Variants in SSH3 observed in about 807,000 individuals in gnomAD.
SSH3 encodes protein phosphatase Slingshot homolog 3.
In SSH3, 67 loss-of-function variants were observed where a neutral mutation model predicts 75.0. The ratio of observed to expected loss-of-function variants is 0.89; its 90% CI spans 0.73 to 1.10. SSH3 has a LOEUF of 1.10. SSH3 is among the 50% of genes least tolerant of loss of function. The pLI is 0.00. For synonymous variants in SSH3, 318 were observed against 349.2 expected, an observed-to-expected ratio of 0.91 and a Z score of 1.00; for missense variants, 824 against 872.7, an observed-to-expected ratio of 0.94 and a Z score of 0.70.
At chr11:67,305,684 G>A (rs533444363) in intron 3 of SSH3, among the ~76,000 whole-genome samples, 66 of 152,322 alleles carry the variant, frequency 4.3e-4, no homozygotes, top group African/African-American at 1.4e-3. Flanking sequence ...CAGTGCACAA[G>A]GCAGGCTTGC....
At position 67,306,970 on chromosome 11, in the gene SSH3, C is replaced by T. The variant is rs1278212687; in HGVS notation, c.464+8C>T. The T allele has an allele frequency of 6.2e-7, 1 of 1,612,128 alleles. No homozygotes were observed. The highest frequency in any genetic ancestry group is 8.5e-7 in the Non-Finnish European group (1 of 1,178,428). ...GGATTTCCCTGACAGCAGGTTCGAG[C>T]AGGGAGAGGAAAGGAGGGGCAAAGA... On this transcript the variant is annotated splice_region_variant and intron_variant, in intron 4 of 13. Transcript: ENST00000308127.
At chr11:67,304,419 G>A (rs1039250519) in intron 2 of SSH3, among the ~76,000 whole-genome samples, 1 of 152,202 alleles carries the variant, frequency 6.6e-6, no homozygotes, top group Non-Finnish European at 1.5e-5. Flanking sequence ...CGGGCCGAAC[G>A]GCAGGAGGGC....
chr11:67,304,613 A>G (rs973845211), intron 2 of SSH3, among the ~76,000 whole-genome samples, 160 bp from the exon 3 acceptor site: 14 of 152,208 alleles, frequency 9.2e-5, no homozygotes, highest in African/African-American at 3.4e-4. Context: ...GGGGTTAGAA[A>G]TGCAGATGCT....
chr11:67,309,361 GC>G, intron 10 of SSH3, 35 bp from the exon 11 acceptor site: 1 of 1,613,132 alleles, frequency 6.2e-7, no homozygotes, highest in Non-Finnish European at 8.5e-7. Context: ...TGGTACCTCT[GC>G]CCACATCAGC....
chr11:67,311,675 G>T lies in SSH3; in HGVS notation c.1768G>T (p.Asp590Tyr), dbSNP rs202051235. Residue 590 changes from aspartate to tyrosine, a missense_variant, in exon 14 of 14, where the codon GAC (aspartate) becomes TAC (tyrosine). Coordinates refer to ENST00000308127, the MANE Select transcript of SSH3 (RefSeq NM_017857.4). Reference sequence around the variant, plus strand: ...AAGGACCAAGGGAGGCCAGCAGGTGGACAGGGGGCCTCAGCCTGCCCTGAA... The same window carrying T: ...AAGGACCAAGGGAGGCCAGCAGGTGTACAGGGGGCCTCAGCCTGCCCTGAA... ...LARTKGGQQV[D>Y]RGPQPALKSR... 6.2e-6 allele frequency: 10 copies of T among 1,614,092 alleles called. No homozygotes were observed. The highest frequency in any genetic ancestry group is 1.7e-4 in the Middle Eastern group (1 of 6,056).
At position 67,309,384 on chromosome 11, in the gene SSH3, C is replaced by A; in HGVS notation, c.1062-13C>A. ...CTGCCCACATCAGCCTGGCCTTGGGCCCTCTGGGACAGGGTCACCCACATC... is the reference window on the plus strand; with the variant it reads ...CTGCCCACATCAGCCTGGCCTTGGGACCTCTGGGACAGGGTCACCCACATC... On this transcript the variant is annotated splice_polypyrimidine_tract_variant and intron_variant, in intron 10 of 13. Transcript: ENST00000308127. 2 of 1,614,074 alleles carry A rather than the reference C, an allele frequency of 1.2e-6. No individual in the cohort carries two copies. The highest frequency in any genetic ancestry group is 1.7e-6 in the Non-Finnish European group (2 of 1,180,018).
chr11:67,310,740 CG>C (rs1006297197), intron 13 of SSH3, among the ~76,000 whole-genome samples: 1 of 152,148 alleles, frequency 6.6e-6, no homozygotes, highest in African/African-American at 2.4e-5. Context: ...GCCTCGATCG[CG>C]GGCAGGTTCC....
rs545550122 is a variant in SSH3, at chr11:67,307,332, G to A, written c.537-39G>A. 8 of 1,612,360 alleles carry A rather than the reference G, an allele frequency of 5.0e-6. No individual in the cohort carries two copies. The highest frequency in any genetic ancestry group is 6.8e-6 in the Non-Finnish European group (8 of 1,179,668). The stretch of plus-strand genomic sequence containing the variant: ...AAAAGGATGGGTTCTCTGTCGCAGA[G>A]CCTGGAGTCTGGCCTCACCTGTGCC... On this transcript the variant is annotated intron_variant, in intron 5 of 13. Transcript: ENST00000308127. This position sits in a 1 kb window ranked among gnomAD's most constrained non-coding sequence, Gnocchi z 4.2.
Position 67,308,190 on chromosome 11 carries a change from A to G in SSH3, c.902A>G (p.Glu301Gly), listed in dbSNP as rs1432879191. ...TGCCTGCAGATCCGCCAGGCTCTGGAGCTGCGCCTGGGGCTCCCCCTCCAG... is the reference window on the plus strand; with the variant it reads ...TGCCTGCAGATCCGCCAGGCTCTGGGGCTGCGCCTGGGGCTCCCCCTCCAG... ...VTSKEIRQALELRLGLPLQQY... is the reference protein window; with the variant it reads ...VTSKEIRQALGLRLGLPLQQY... Residue 301 changes from glutamate to glycine, a missense_variant, in exon 9 of 14, where the codon GAG (glutamate) becomes GGG (glycine). Glu to Gly is a moderately conservative substitution (Grantham distance 98, BLOSUM62 -2). Transcript: ENST00000308127. This position sits in a 1 kb window ranked among gnomAD's most constrained non-coding sequence, Gnocchi z 4.9. The G allele has an allele frequency of 1.9e-6, 3 of 1,613,572 alleles. No individual in the cohort carries two copies. Among genetic ancestry groups the G allele is most frequent in the Non-Finnish European group, 2.5e-6 (3 of 1,179,970 alleles).
In SSH3 at chr11:67,308,131, C is replaced by T; in HGVS notation, c.886-43C>T. On this transcript the variant is annotated intron_variant, in intron 8 of 13. Transcript: ENST00000308127. The surrounding 1 kb of genome is among the most constrained non-coding windows in gnomAD (Gnocchi z 4.9). ...CAGAGGGAAGGTGGCAGGTTGGGCA[C>T]TAGGAGAGCCCCAGCCTCTCTTGCC... The T allele has an allele frequency of 6.3e-7, 1 of 1,598,478 alleles. No homozygotes were observed. Among genetic ancestry groups the T allele is most frequent in the Non-Finnish European group, 8.5e-7 (1 of 1,172,526 alleles).
rs1861288278 is a variant in SSH3, at chr11:67,307,748, G to A, written c.791+11G>A. On this transcript the variant is annotated intron_variant, in intron 7 of 13. Coordinates refer to ENST00000308127, the MANE Select transcript of SSH3 (RefSeq NM_017857.4). The surrounding 1 kb of genome is among the most constrained non-coding windows in gnomAD (Gnocchi z 4.2). ...CGCCGAGCCTGGCGGGTCAGTGTGT[G>A]GAGGGGAGGGACTGGGTGGAGGGGA... 1 of 1,613,704 alleles carries A rather than the reference G, an allele frequency of 6.2e-7. No individual in the cohort carries two copies. Among genetic ancestry groups the A allele is most frequent in the Non-Finnish European group, 8.5e-7 (1 of 1,179,988 alleles).
At chr11:67,309,736 G>T in intron 11 of SSH3, 32 bp from the exon 12 acceptor site, 1 of 1,609,076 alleles carries the variant, frequency 6.2e-7, no homozygotes, top group South Asian at 1.1e-5. Flanking sequence ...TCATGGTGAG[G>T]GGAGGGTGCT....
rs774504600 is a variant in SSH3 at position 67,305,020 on chromosome 11, G to A, written c.339+13G>A. 3.1e-6 allele frequency: 5 copies of A among 1,595,572 alleles called. No homozygotes were observed. Among genetic ancestry groups the A allele is most frequent in the Non-Finnish European group, 4.3e-6 (5 of 1,172,824 alleles). The stretch of plus-strand genomic sequence containing the variant: ...TGACATCCGCCTGGTGAGGGCCCAT[G>A]TGGAGCTCCGGGGGGTGGGGGGAAG... On this transcript the variant is annotated intron_variant, in intron 3 of 13. Coordinates refer to ENST00000308127, the MANE Select transcript of SSH3 (RefSeq NM_017857.4).
Position 67,307,534 on chromosome 11 carries a change from C to A in SSH3, c.603-15C>A, listed in dbSNP as rs774765011. 72 of 1,609,436 alleles carry A rather than the reference C, an allele frequency of 4.5e-5. No homozygotes were observed. The highest frequency in any genetic ancestry group is 5.4e-5 in the Non-Finnish European group (63 of 1,177,208). On this transcript the variant is annotated splice_polypyrimidine_tract_variant and intron_variant, in intron 6 of 13. Transcript: ENST00000308127. The surrounding 1 kb of genome is among the most constrained non-coding windows in gnomAD (Gnocchi z 4.2). Reference sequence around the variant, plus strand: ...GCAAGGGAACAGTGTGACCCAGCCTCTCCTCCTGTCTCAGGGCCACACTCC... The same window carrying A: ...GCAAGGGAACAGTGTGACCCAGCCTATCCTCCTGTCTCAGGGCCACACTCC...
Position 67,309,931 on chromosome 11 carries a change from C to T in SSH3, c.1372C>T (p.Arg458Cys), listed in dbSNP as rs765014323. ...PIARPNPGFL[R>C]QLQIYQGILT... ...CGCCCGCCCCAACCCTGGCTTCCTGCGCCAGCTGCAGATCTACCAGGGCAT... is the reference window on the plus strand; with the variant it reads ...CGCCCGCCCCAACCCTGGCTTCCTGTGCCAGCTGCAGATCTACCAGGGCAT... Residue 458 changes from arginine (R) to cysteine (C), a missense_variant, in exon 12 of 14, where the codon CGC becomes TGC. By Grantham distance (180) the Arg-to-Cys change is radical. Transcript: ENST00000308127. The T allele has an allele frequency of 1.6e-5, 25 of 1,610,698 alleles. No homozygotes were observed. The highest frequency in any genetic ancestry group is 1.6e-4 in the Middle Eastern group (1 of 6,062).
In SSH3 at chr11:67,307,143, G is replaced by A. The variant is rs1861269538; in HGVS notation, c.536+30G>A. The A allele has an allele frequency of 6.2e-7, 1 of 1,610,888 alleles. No homozygotes were observed. The highest frequency in any genetic ancestry group is 8.5e-7 in the Non-Finnish European group (1 of 1,179,582). ...GCAATGGCAACTGGAGGTGGGGGCT[G>A]GAGGGTGGAATAACTGAGTGTGACG... On this transcript the variant is annotated intron_variant, in intron 5 of 13. Transcript: ENST00000308127. This position sits in a 1 kb window ranked among gnomAD's most constrained non-coding sequence, Gnocchi z 4.2.
At chr11:67,306,580 G>A (rs543899359) in intron 3 of SSH3, among the ~76,000 whole-genome samples, 5 of 152,328 alleles carry the variant, frequency 3.3e-5, no homozygotes, top group South Asian at 2.1e-4. Flanking sequence ...CAGCCTGGGC[G>A]ACAGAGTGAG....
rs1554972941 is a variant in SSH3, at chr11:67,309,881, G to A, written c.1322G>A (p.Arg441His). The A allele has an allele frequency of 3.1e-6, 5 of 1,612,390 alleles. No individual in the cohort carries two copies. The highest frequency in any genetic ancestry group is 2.2e-5 in the East Asian group (1 of 44,888). Residue 441 changes from arginine to histidine, a missense_variant, in exon 12 of 14, where the codon CGC becomes CAC. By Grantham distance (29) the Arg-to-His change is conservative (BLOSUM62 0). Transcript: ENST00000308127. The stretch of plus-strand genomic sequence containing the variant: ...GAATGCAGCCTGGAGCAGGCCCTGC[G>A]CCACGTGCAGGAGCTCCGGCCCATC... ...QYECSLEQALRHVQELRPIAR... is the reference protein window; with the variant it reads ...QYECSLEQALHHVQELRPIAR...
Position 67,309,932 on chromosome 11 carries a change from G to A in SSH3, c.1373G>A (p.Arg458His), listed in dbSNP as rs752368206. 1.1e-5 allele frequency: 17 copies of A among 1,610,376 alleles called. No homozygotes were observed. Among genetic ancestry groups the A allele is most frequent in the African/African-American group, 6.7e-5 (5 of 74,946 alleles). The change falls in exon 12 of 14, where the codon CGC becomes CAC. Residue 458 changes from arginine to histidine, a missense_variant. Arg to His is a conservative substitution (Grantham distance 29). Coordinates refer to ENST00000308127, the MANE Select transcript of SSH3 (RefSeq NM_017857.4). ...PIARPNPGFL[R>H]QLQIYQGILT... Reference sequence around the variant, plus strand: ...GCCCGCCCCAACCCTGGCTTCCTGCGCCAGCTGCAGATCTACCAGGGCATC... The same window carrying A: ...GCCCGCCCCAACCCTGGCTTCCTGCACCAGCTGCAGATCTACCAGGGCATC...
Sources: gnomAD v4.1 joint callset for allele counts (sites outside exome capture counted in the v4.1 genomes callset) on GRCh38, gnomAD v4.1.1 for gene constraint, Gnocchi (gnomAD v3.1) non-coding constraint, MANE v1.5 for transcripts, NCBI Gene and HGNC (gene_info 2026-07-23, HGNC 2026-07-21) for gene names.